Variants in PCDHGA1 observed in about 807,000 individuals in gnomAD.
PCDHGA1 encodes the protein protocadherin gamma subfamily A, 1, also known as protocadherin gamma-A1.
PCDHGA1 carries 32 observed loss-of-function variants against 58.0 expected under a neutral mutation model. The observed-to-expected ratio is 0.55, with a 90% CI of 0.42 to 0.74. PCDHGA1 has a LOEUF of 0.74. PCDHGA1 is among the 30% of genes least tolerant of loss of function. The pLI, the probability that PCDHGA1 is intolerant of heterozygous loss-of-function variation, is 0.00. For synonymous variants in PCDHGA1, 498 were observed against 501.1 expected (o/e 0.99, Z 0.08); for missense variants, 1,205 against 1,182.3 (o/e 1.02, Z -0.28).
intron 1 of PCDHGA1, chr5:141,383,971 G>A (rs373869441): frequency 2.5e-6 from 4 of 1,613,544 alleles, no homozygotes; most frequent in African/African-American, 1.3e-5. Context: ...CTCAATCCCT[G>A]AAGACACACC....
intron 1 of PCDHGA1, chr5:141,341,477 C>T: frequency 1.9e-6 from 3 of 1,581,082 alleles, no homozygotes; most frequent in Non-Finnish European, 2.6e-6. Context: ...TATTTTGTTC[C>T]CCATATTTCC....
Position 141,375,459 on chromosome 5 carries a change from T to A in PCDHGA1, c.2421+42354T>A, listed in dbSNP as rs775895246. The A allele has an allele frequency of 1.9e-6, 3 of 1,613,896 alleles. No homozygotes were observed. The highest frequency in any genetic ancestry group is 3.3e-5 in the Admixed American group (2 of 60,016). On this transcript the variant is annotated intron_variant, in intron 1 of 3. Coordinates refer to ENST00000517417, the MANE Select transcript of PCDHGA1 (RefSeq NM_018912.3). ...ACCTTCCCCCATTCATCCTACTCAG[T>A]CTATGTCCTTGAAAACAACCCCAGG... is the stretch of plus-strand genomic sequence containing the variant.
At chr5:141,338,855 C>G in intron 1 of PCDHGA1, 1 of 1,425,134 alleles carries the variant, frequency 7.0e-7, no homozygotes, top group South Asian at 1.6e-5. Flanking sequence ...CCCACCAGTT[C>G]TCTCCATAGG....
At chr5:141,361,087 A>T in intron 1 of PCDHGA1, 1 of 1,614,036 alleles carries the variant, frequency 6.2e-7, no homozygotes, top group Non-Finnish European at 8.5e-7. Flanking sequence ...TTACACTCTG[A>T]GTATCGAAGC....
chr5:141,437,638 A>G (rs192433359), intron 1 of PCDHGA1, among the ~76,000 whole-genome samples: 1 of 152,250 alleles, frequency 6.6e-6, no homozygotes, highest in Admixed American at 6.5e-5. Context: ...TGTCAGGTTC[A>G]GAAAAGCAAA....
At chr5:141,337,987 T>G (rs1206839910) in intron 1 of PCDHGA1, among the ~76,000 whole-genome samples, 1 of 152,200 alleles carries the variant, frequency 6.6e-6, no homozygotes, top group African/African-American at 2.4e-5. Context: ...AAGCATTTGT[T>G]CAGAGGTTCT....
intron 3 of PCDHGA1, among the ~76,000 whole-genome samples, chr5:141,508,620 G>A (rs1017391751): frequency 2.0e-5 from 3 of 152,070 alleles, no homozygotes; most frequent in East Asian, 1.9e-4. Context: ...GACGTGGGTG[G>A]GCCGAGCTTC....
chr5:141,335,926 A>C (rs981465755), intron 1 of PCDHGA1, among the ~76,000 whole-genome samples: 45 of 152,242 alleles, frequency 3.0e-4, no homozygotes, highest in African/African-American at 1.1e-3. Context: ...TTCTTTATTA[A>C]AAATTGTGAG....
chr5:141,381,826 C>CTTTTTTTTTTTTTTTTTTTTTTTTTTTT (rs770630741), intron 1 of PCDHGA1, among the ~76,000 whole-genome samples: 17 of 74,292 alleles, frequency 2.3e-4, no homozygotes, highest in Non-Finnish European at 3.3e-4. Context: ...CTTTCTTCTT[C>CTTTTTTTTTTTTTTTTTTTTTTTTTTTT]TTTTTTTTTT....
Position 141,339,458 on chromosome 5 carries a change from G to C in PCDHGA1, c.2421+6353G>C, listed in dbSNP as rs190454391. The C allele has an allele frequency of 2.1e-4, 338 of 1,614,212 alleles. 4 individuals carry two copies. In the East Asian group the frequency reaches 4.4e-3, roughly 21 times the overall value. On this transcript the variant is annotated intron_variant, in intron 1 of 3. Transcript: ENST00000517417. ...TAAGAATGCGCATGATGCAGACGTA[G>C]GTGAGAACGCCCTTCAGAAGTACGC...
chr5:141,353,837 G>A (rs1434826134), intron 1 of PCDHGA1, among the ~76,000 whole-genome samples: 1 of 152,124 alleles, frequency 6.6e-6, no homozygotes, highest in East Asian at 1.9e-4. Flanking sequence ...TGCGGTCTTT[G>A]AGGATTGTGA....
At chr5:141,356,606 C>A in intron 1 of PCDHGA1, 1 of 1,614,182 alleles carries the variant, frequency 6.2e-7, no homozygotes, top group Non-Finnish European at 8.5e-7. Flanking sequence ...CCCAGAGGAG[C>A]CTCCATCTTA....
intron 1 of PCDHGA1, among the ~76,000 whole-genome samples, chr5:141,354,850 CATTGCAA>C (rs1018068182): frequency 3.3e-5 from 5 of 152,230 alleles, no homozygotes; most frequent in Admixed American, 3.3e-4. Flanking sequence ...CTTGAATTTT[CATTGCAA>C]ATCAAAAACA....
At chr5:141,371,757 G>A in intron 1 of PCDHGA1, 1 of 1,614,002 alleles carries the variant, frequency 6.2e-7, no homozygotes, top group East Asian at 2.2e-5. Flanking sequence ...TTTCCACCAG[G>A]CCTCCTACAC....
chr5:141,476,078 C>G lies in PCDHGA1; in HGVS notation c.2422-18729C>G. On this transcript the variant is annotated intron_variant, in intron 1 of 3. Transcript: ENST00000517417. The surrounding 1 kb of genome is among the most constrained non-coding windows in gnomAD (Gnocchi z 7.6). ...AAGTTTCTCAGCGAAATCTCAGGGA[C>G]GATCTGGACCCCGCTGAGAGGAACT... is the stretch of plus-strand genomic sequence containing the variant. 1 of 1,528,034 alleles carries G rather than the reference C, an allele frequency of 6.5e-7. No homozygotes were observed. 94.7% of individuals were successfully genotyped at this position (1,528,034 alleles called of 1,614,324 possible).
chr5:141,379,889 CTTTTTTTTTTTTTTTTT>C (rs70988800), intron 1 of PCDHGA1, among the ~76,000 whole-genome samples: 16 of 50,830 alleles, frequency 3.1e-4, no homozygotes, highest in East Asian at 2.5e-3. Flanking sequence ...GTGAAAGCCT[CTTTTTTTTTTTTTTTTT>C]TTTTTTTTTT....
intron 1 of PCDHGA1, among the ~76,000 whole-genome samples, chr5:141,474,773 G>T (rs1290099424): frequency 6.6e-6 from 1 of 152,182 alleles, no homozygotes; most frequent in East Asian, 1.9e-4. Flanking sequence ...ATAGTATGAG[G>T]CTCTAACACT....
intron 1 of PCDHGA1, chr5:141,400,544 A>G (rs1436586530): frequency 6.2e-7 from 1 of 1,613,568 alleles, no homozygotes; most frequent in Non-Finnish European, 8.5e-7. Flanking sequence ...ATTTATGTCT[A>G]TTCTTTTTCA....
At chr5:141,413,970 G>A in intron 1 of PCDHGA1, 1 of 1,613,450 alleles carries the variant, frequency 6.2e-7, no homozygotes, top group Non-Finnish European at 8.5e-7. Flanking sequence ...GCACTCAGCT[G>A]CTGACAGTCA....
Sources: allele counts gnomAD v4.1 joint callset (sites outside exome capture counted in the v4.1 genomes callset), GRCh38; gene constraint gnomAD v4.1.1; non-coding constraint Gnocchi (gnomAD v3.1); transcripts MANE v1.5; gene names NCBI Gene and HGNC (gene_info 2026-07-23, HGNC 2026-07-21).